The following ZGRF1 variants were observed in gnomAD, a reference collection of about 807,000 sequenced individuals.
The protein encoded by ZGRF1 is 5'-3' DNA helicase ZGRF1.
Under a neutral mutation model 203.5 loss-of-function variants are expected in ZGRF1, and 196 were observed. The observed-to-expected ratio is 0.96, with a 90% CI of 0.86 to 1.08. The LOEUF is 1.08. Ranked by LOEUF, ZGRF1 falls within the 50% of genes least tolerant of loss-of-function variation. ZGRF1 has a pLI of 0.00. For synonymous variants in ZGRF1, 809 were observed against 841.3 expected (o/e 0.96, Z 0.66); for missense variants, 2,326 against 2,416.3 (o/e 0.96, Z 0.78).
At chr4:112,574,416 A>G (rs1344154449) in intron 16 of ZGRF1, among the ~76,000 whole-genome samples, 2 of 152,210 alleles carry the variant, frequency 1.3e-5, no homozygotes, top group Non-Finnish European at 2.9e-5. Flanking sequence ...AAAATTTTAT[A>G]TAGCTCTTTA....
chr4:112,580,670 T>C (rs1191339854), intron 16 of ZGRF1, among the ~76,000 whole-genome samples: 6 of 152,150 alleles, frequency 3.9e-5, no homozygotes, highest in Non-Finnish European at 7.4e-5. Context: ...AAAAGACACA[T>C]GAAAAAATGC....
At chr4:112,630,400 C>G (rs1210884218) in intron 3 of ZGRF1, among the ~76,000 whole-genome samples, 1 of 151,986 alleles carries the variant, frequency 6.6e-6, no homozygotes, top group Non-Finnish European at 1.5e-5. Flanking sequence ...TGCCTGTAAT[C>G]TCAGCTACTC....
At chr4:112,551,592 T>C (rs1021706723) in intron 22 of ZGRF1, among the ~76,000 whole-genome samples, 1 of 152,188 alleles carries the variant, frequency 6.6e-6, no homozygotes, top group Non-Finnish European at 1.5e-5. Context: ...TCTTCTTTTG[T>C]TAAAAACAAA....
At chr4:112,612,617 CATTGTT>C in intron 6 of ZGRF1, 29 bp from the exon 7 acceptor site, 1 of 1,407,872 alleles carries the variant, frequency 7.1e-7, no homozygotes. Context: ...ATAATCATAT[CATTGTT>C]ATATATAGCA....
intron 22 of ZGRF1, among the ~76,000 whole-genome samples, chr4:112,548,706 G>T (rs531090340): frequency 7.3e-5 from 11 of 150,786 alleles, no homozygotes; most frequent in African/African-American, 2.7e-4. Context: ...TTCTAGATGA[G>T]GTTAGACAAC....
intron 24 of ZGRF1, chr4:112,547,025 T>C (rs537003104): frequency 3.5e-6 from 1 of 284,694 alleles, no homozygotes; most frequent in African/African-American, 2.2e-5. Context: ...AGAGACATTA[T>C]AGGTTTTTTT....
Position 112,627,113 on chromosome 4 carries a change from A to T in ZGRF1, c.103-3237T>A, listed in dbSNP as rs144529596. Among the ~76,000 whole-genome samples, 327 of 152,282 alleles carry T rather than the reference A, an allele frequency of 2.1e-3. 2 individuals are homozygous for T. Among genetic ancestry groups the T allele is most frequent in the African/African-American group, 7.5e-3 (313 of 41,560 alleles). ...GGCATGAGCCACCGCGCCCAGCCTC[A>T]AATTTATTATGTTCAAAATGGAACT... is the stretch of plus-strand genomic sequence containing the variant. On this transcript the variant is annotated intron_variant, in intron 3 of 27. Transcript: ENST00000505019.
chr4:112,553,735 G>A (rs1740395760), intron 22 of ZGRF1, 100 bp downstream of exon 22: 2 of 1,051,808 alleles, frequency 1.9e-6, no homozygotes, highest in African/African-American at 1.6e-5. Flanking sequence ...TATCATAGCA[G>A]TTTGTTTTAT....
chr4:112,561,587 A>T (rs1375931033), intron 18 of ZGRF1: 1 of 152,396 alleles, frequency 6.6e-6, no homozygotes, highest in Non-Finnish European at 1.5e-5. Context: ...CCAAATTGAA[A>T]ACTGGATTTT....
intron 24 of ZGRF1, among the ~76,000 whole-genome samples, chr4:112,542,100 G>A (rs770400094): frequency 2.6e-5 from 4 of 152,054 alleles, no homozygotes; most frequent in Non-Finnish European, 5.9e-5. Flanking sequence ...CCAACACTTT[G>A]GGAGGCCAGG....
chr4:112,580,004 G>A lies in ZGRF1; in HGVS notation c.4438+1659C>T, dbSNP rs1347316125. 9.8e-5 allele frequency among the ~76,000 whole-genome samples: 12 copies of A among 122,728 alleles called. 2 individuals are homozygous for A. Among genetic ancestry groups the A allele is most frequent in the Admixed American group, 2.8e-4 (3 of 10,818 alleles). The allele number at this position is 122,728 out of a possible 152,430, so 80.5% of individuals were successfully genotyped here. On this transcript the variant is annotated intron_variant, in intron 16 of 27. Transcript: ENST00000505019. ...AAAAGAACAAAGCTGGAGGCATCAC[G>A]CTACCTGACTTCAAACTATACTACA... is the stretch of plus-strand genomic sequence containing the variant.
chr4:112,561,345 G>A (rs1741944238), intron 18 of ZGRF1: 1 of 214,940 alleles, frequency 4.7e-6, no homozygotes, highest in South Asian at 7.6e-5. Flanking sequence ...CCACAAATAA[G>A]TGGCGGACTG....
chr4:112,625,895 CAA>C (rs893834966), intron 3 of ZGRF1, among the ~76,000 whole-genome samples: 9 of 89,242 alleles, frequency 1.0e-4, no homozygotes, highest in African/African-American at 1.7e-4. Context: ...AACTCCGTCT[CAA>C]AAAAAAAAAA....
intron 3 of ZGRF1, among the ~76,000 whole-genome samples, chr4:112,625,122 T>TA (rs1344900793): frequency 1.3e-5 from 2 of 152,090 alleles, no homozygotes; most frequent in African/African-American, 4.8e-5. Context: ...ACTCTATCTC[T>TA]AAAAAATTTT....
At chr4:112,584,708 T>C (rs1746869961) in intron 14 of ZGRF1, among the ~76,000 whole-genome samples, 1 of 152,228 alleles carries the variant, frequency 6.6e-6, no homozygotes, top group Non-Finnish European at 1.5e-5. Flanking sequence ...TCCACAGTTA[T>C]ATCACTACTC....
intron 16 of ZGRF1, among the ~76,000 whole-genome samples, chr4:112,569,593 A>G (rs1254277658): frequency 6.6e-6 from 1 of 152,192 alleles, no homozygotes; most frequent in African/African-American, 2.4e-5. Context: ...CTTTCTAAGT[A>G]TCTGTTTTAT....
At chr4:112,574,854 TG>T (rs1045702909) in intron 16 of ZGRF1, among the ~76,000 whole-genome samples, 2 of 151,998 alleles carry the variant, frequency 1.3e-5, no homozygotes, top group African/African-American at 4.8e-5. Context: ...GGTGAAACCC[TG>T]TCTCTACTAA....
intron 18 of ZGRF1, 37 bp from the exon 19 acceptor site, chr4:112,561,032 A>G (rs1347321120): frequency 1.3e-6 from 2 of 1,510,756 alleles, no homozygotes; most frequent in Admixed American, 1.8e-5. Context: ...TTTTAAAAAA[A>G]GGGGCATTTG....
At chr4:112,557,990 C>T (rs1324728655) in intron 20 of ZGRF1, among the ~76,000 whole-genome samples, 160 bp downstream of exon 20, 1 of 152,156 alleles carries the variant, frequency 6.6e-6, no homozygotes, top group Non-Finnish European at 1.5e-5. Flanking sequence ...CTAATTAGCC[C>T]ATTACTGTTT....
Sources: gnomAD v4.1 joint callset for allele counts (sites outside exome capture counted in the v4.1 genomes callset) on GRCh38, gnomAD v4.1.1 for gene constraint, MANE v1.5 for transcripts, NCBI Gene and HGNC (gene_info 2026-07-23, HGNC 2026-07-21) for gene names.